Variants in DMD observed in about 807,000 individuals in gnomAD.
DMD encodes mutant dystrophin.
Under a neutral mutation model 330.1 loss-of-function variants are expected in DMD, and 63 were observed. The ratio of observed to expected loss-of-function variants is 0.19; its 90% confidence interval spans 0.16 to 0.24. The LOEUF (loss-of-function observed/expected upper bound fraction) is 0.24, where lower values mean the gene tolerates loss of function less well. Among genes scored for constraint, DMD ranks in the 10% least tolerant of loss-of-function variants. The probability of loss-of-function intolerance (pLI) is 1.00; values close to 1 mark genes in which losing one functional copy is unlikely to be tolerated. For synonymous variants in DMD, 1,223 were observed against 959.8 expected (o/e 1.27, Z -5.07); for missense variants, 3,344 against 2,684.1 (o/e 1.25, Z -5.43).
At chrX:33,010,029 CAT>C (rs1491526261) in intron 2 of DMD, among the ~76,000 whole-genome samples, 18 of 29,041 alleles carry the variant, frequency 6.2e-4, no homozygotes, top group African/African-American at 2.3e-3. Flanking sequence ...TATGTGTGTA[CAT>C]GTGTATATAC....
intron 1 of DMD, among the ~76,000 whole-genome samples, chrX:33,139,868 TAAAAAAAAAAAA>T (rs3990971): frequency 3.1e-5 from 2 of 64,379 alleles, no homozygotes; most frequent in Admixed American, 1.8e-4. Context: ...GCCCCATCGC[TAAAAAAAAAAAA>T]AAAAAAAAAA....
At chrX:32,844,127 G>A (rs749361191) in intron 4 of DMD, among the ~76,000 whole-genome samples, 7 of 111,646 alleles carry the variant, frequency 6.3e-5, no homozygotes, top group South Asian at 3.7e-4. Flanking sequence ...AGAGTTCACC[G>A]GGCACGGTGG....
rs180932630 is a variant in DMD, at chrX:31,354,127, A to G, written c.9085-5493T>C. 7.2e-5 allele frequency among the ~76,000 whole-genome samples: 8 copies of G among 111,701 alleles called. No individual in the cohort carries two copies. In the East Asian group the frequency reaches 2.3e-3, roughly 31 times the overall value. On this transcript the variant is annotated intron_variant, in intron 60 of 78. Transcript: ENST00000357033. The stretch of plus-strand genomic sequence containing the variant: ...TAGGTTGCAGCAATTCTTCAGTAAA[A>G]GCATCTCAGGAAAAAAAGGTCCTTT...
intron 51 of DMD, among the ~76,000 whole-genome samples, chrX:31,748,871 A>C (rs1422268595): frequency 9.0e-6 from 1 of 111,544 alleles, no homozygotes; most frequent in Non-Finnish European, 1.9e-5. Flanking sequence ...GGTGGAATAA[A>C]ATGGCCCATA....
intron 13 of DMD, among the ~76,000 whole-genome samples, chrX:32,592,116 C>T (rs184865306): frequency 5.5e-4 from 61 of 111,321 alleles, no homozygotes; most frequent in African/African-American, 1.9e-3. Context: ...ACATGGATGG[C>T]ATGTTGATGG....
At chrX:31,826,849 C>T (rs780458246) in intron 49 of DMD, among the ~76,000 whole-genome samples, 10 of 112,042 alleles carry the variant, frequency 8.9e-5, no homozygotes, top group South Asian at 7.4e-4. Context: ...CAAGGTTTTC[C>T]GCACAAGAGC....
At chrX:33,255,760 T>C (rs991179701) in intron 1 of DMD, among the ~76,000 whole-genome samples, 2 of 111,435 alleles carry the variant, frequency 1.8e-5, no homozygotes, top group South Asian at 7.3e-4. Flanking sequence ...AATTGAATCA[T>C]TTATTTTCTT....
chrX:31,887,337 A>C (rs921422341), intron 47 of DMD, among the ~76,000 whole-genome samples: 3 of 111,863 alleles, frequency 2.7e-5, no homozygotes, highest in African/African-American at 9.7e-5. Flanking sequence ...ACTGCCACTC[A>C]TTGATTCTCT....
chrX:32,684,188 T>C (rs984277361), intron 9 of DMD, among the ~76,000 whole-genome samples: 3 of 109,413 alleles, frequency 2.7e-5, no homozygotes, highest in African/African-American at 1.0e-4. Flanking sequence ...TGTAAGTGTT[T>C]AGTATTATTG....
At chrX:32,601,384 T>A (rs1298162219) in intron 12 of DMD, among the ~76,000 whole-genome samples, 1 of 111,880 alleles carries the variant, frequency 8.9e-6, no homozygotes, top group Non-Finnish European at 1.9e-5. Context: ...ATTTTATCTT[T>A]TTGTTAGAAA....
chrX:32,998,601 TTA>T (rs1172431083), intron 2 of DMD, among the ~76,000 whole-genome samples: 8 of 103,129 alleles, frequency 7.8e-5, no homozygotes, highest in Admixed American at 1.1e-4. Flanking sequence ...CTCTACCTAT[TTA>T]TATATATATA....
intron 13 of DMD, among the ~76,000 whole-genome samples, chrX:32,590,959 G>A (rs1457777548): frequency 1.8e-5 from 2 of 111,029 alleles, no homozygotes; most frequent in Non-Finnish European, 3.8e-5. Flanking sequence ...CCATCCAGTG[G>A]GTTCTGTCCT....
intron 41 of DMD, among the ~76,000 whole-genome samples, chrX:32,327,400 G>A (rs1489746626): frequency 9.0e-6 from 1 of 110,596 alleles, no homozygotes; most frequent in Non-Finnish European, 1.9e-5. Flanking sequence ...CTGTGTTGCA[G>A]GTAAATTAAA....
intron 72 of DMD, 80 bp downstream of exon 72, chrX:31,173,459 T>C (rs187631336): frequency 9.2e-7 from 1 of 1,088,500 alleles, no homozygotes; most frequent in East Asian, 3.1e-5. Context: ...AAGAAAAGAT[T>C]TGTTTAAAAT....
chrX:33,177,988 A>G (rs375779100), intron 1 of DMD, among the ~76,000 whole-genome samples: 33 of 112,488 alleles, frequency 2.9e-4, no homozygotes, highest in African/African-American at 1.0e-3. Flanking sequence ...AATTTTAAAA[A>G]ACTTGAGTTA....
In DMD at chrX:32,023,727, G is replaced by C. The variant is rs147561606; in HGVS notation, c.6439-55213C>G. 2.7e-3 allele frequency among the ~76,000 whole-genome samples: 306 copies of C among 111,627 alleles called. 2 individuals carry two copies. The highest frequency in any genetic ancestry group is 9.1e-3 in the African/African-American group (279 of 30,693). ...TGGTGGACAGGATAAAGAATGTGGC[G>C]CGTATACACCATGGAATACTACACA... On this transcript the variant is annotated intron_variant, in intron 44 of 78. Transcript: ENST00000357033.
intron 60 of DMD, among the ~76,000 whole-genome samples, chrX:31,399,694 GTACTA>G (rs1463077822): frequency 9.0e-6 from 1 of 111,186 alleles, no homozygotes; most frequent in Non-Finnish European, 1.9e-5. Context: ...ATATAATGGG[GTACTA>G]GGATTAGATC....
intron 44 of DMD, among the ~76,000 whole-genome samples, chrX:32,152,071 A>G (rs1286462381): frequency 1.8e-5 from 2 of 112,051 alleles, no homozygotes; most frequent in Non-Finnish European, 3.8e-5. Context: ...ACAAAATGAT[A>G]AATACAAAGT....
intron 7 of DMD, among the ~76,000 whole-genome samples, chrX:32,778,075 G>C (rs1284284091): frequency 9.0e-6 from 1 of 111,574 alleles, no homozygotes; most frequent in African/African-American, 3.3e-5. Flanking sequence ...ACATAGATTT[G>C]TCAGTTGATG....
Sources: gnomAD v4.1 joint callset for allele counts (sites outside exome capture counted in the v4.1 genomes callset) on GRCh38, gnomAD v4.1.1 for gene constraint, MANE v1.5 for transcripts, NCBI Gene and HGNC (gene_info 2026-07-23, HGNC 2026-07-21) for gene names.